The following RBFOX2 variants were observed in gnomAD, a reference collection of about 807,000 sequenced individuals.
RBFOX2 encodes RNA binding fox-1 homolog 2.
In RBFOX2, 10 loss-of-function variants were observed where a neutral mutation model predicts 49.1. The observed-to-expected ratio is 0.20, with a 90% CI of 0.13 to 0.35. The LOEUF (loss-of-function observed/expected upper bound fraction) is 0.35. RBFOX2 is among the 10% of genes least tolerant of loss of function. RBFOX2 has a pLI of 1.00. For missense variants in RBFOX2, 323 were observed against 486.9 expected, an observed-to-expected ratio of 0.66 and a Z score of 3.17; for synonymous variants, 183 against 187.4, an observed-to-expected ratio of 0.98 and a Z score of 0.19.
At chr22:35,741,269 T>G (rs1461437422) in exon 12 of RBFOX2, 1 of 152,216 alleles carries the variant, frequency 6.6e-6, no homozygotes, top group African/African-American at 2.4e-5. Context: ...GTACAGAAAG[T>G]CCAGGTCATG....
chr22:35,831,054 C>T (rs1168063332), intron 1 of RBFOX2, among the ~76,000 whole-genome samples: 1 of 152,200 alleles, frequency 6.6e-6, no homozygotes, highest in African/African-American at 2.4e-5. Context: ...CTGTATCCCT[C>T]TGAGTCAGGG....
intron 11 of RBFOX2, among the ~76,000 whole-genome samples, 174 bp downstream of exon 13, chr22:35,745,749 T>C (rs550843827): frequency 1.2e-4 from 18 of 152,232 alleles, no homozygotes; most frequent in Non-Finnish European, 2.6e-4. Context: ...GCTCACATTA[T>C]AATAACACAC....
chr22:35,957,218 G>T (rs1274201528), intron 1 of RBFOX2, among the ~76,000 whole-genome samples: 1 of 152,176 alleles, frequency 6.6e-6, no homozygotes, highest in African/African-American at 2.4e-5. Flanking sequence ...TACCTCATAG[G>T]ATTGTTACAA....
intron 9 of RBFOX2, among the ~76,000 whole-genome samples, chr22:35,754,108 T>A (rs1936084115): frequency 6.7e-6 from 1 of 150,370 alleles, no homozygotes; most frequent in East Asian, 2.0e-4. Context: ...TTTTTTTTTT[T>A]TGAGACGGAG....
At chr22:35,898,813 T>C (rs191149280) in intron 1 of RBFOX2, among the ~76,000 whole-genome samples, 9 of 152,286 alleles carry the variant, frequency 5.9e-5, no homozygotes, top group Admixed American at 5.9e-4. Flanking sequence ...GTGTTATCTT[T>C]TAATCAAGTT....
intron 1 of RBFOX2, among the ~76,000 whole-genome samples, chr22:35,930,165 C>T (rs1452351949): frequency 6.6e-6 from 1 of 151,654 alleles, no homozygotes; most frequent in South Asian, 2.1e-4. Flanking sequence ...GGATTACAGG[C>T]ACCCGCCACC....
chr22:35,812,536 G>A (rs1446370758), intron 1 of RBFOX2, among the ~76,000 whole-genome samples: 2 of 152,090 alleles, frequency 1.3e-5, no homozygotes, highest in Non-Finnish European at 2.9e-5. Flanking sequence ...TACTGCTTCA[G>A]AAGCCCTCGC....
Position 35,901,206 on chromosome 22 carries a change from G to A in RBFOX2, c.-34+37641C>T, listed in dbSNP as rs192069615. The stretch of plus-strand genomic sequence containing the variant: ...GTGAATAAAGAGCCAAAAGTTCAAC[G>A]TTCGTTTTTAAGACTCCAAGATCAT... On this transcript the variant is annotated intron_variant, in intron 1 of 13. Coordinates refer to the RBFOX2 transcript ENST00000359369. 1.4e-4 allele frequency among the ~76,000 whole-genome samples: 22 copies of A among 152,190 alleles called. 1 individual carries two copies. In the South Asian group the frequency reaches 3.5e-3, roughly 24 times the overall value.
upstream of RBFOX2, chr22:35,840,717 G>T: frequency 1.4e-6 from 1 of 690,340 alleles, no homozygotes; most frequent in Non-Finnish European, 1.8e-6. Flanking sequence ...AGGATGCGAT[G>T]ATGGAATTAA....
chr22:35,894,993 G>C (rs966585301), intron 1 of RBFOX2, among the ~76,000 whole-genome samples: 1 of 142,050 alleles, frequency 7.0e-6, no homozygotes. Context: ...AAAAAAAAAA[G>C]AAAAGACTGG....
intron 2 of RBFOX2, among the ~76,000 whole-genome samples, chr22:35,793,614 T>C (rs1413380499): frequency 6.6e-6 from 1 of 152,226 alleles, no homozygotes; most frequent in Non-Finnish European, 1.5e-5. Context: ...AATTATTTTA[T>C]CAAATATCAC....
chr22:35,776,962 G>A (rs989327149), intron 4 of RBFOX2, among the ~76,000 whole-genome samples: 1 of 151,250 alleles, frequency 6.6e-6, no homozygotes, highest in Non-Finnish European at 1.5e-5. Context: ...TTTAATGCAT[G>A]GAAATTCTAA....
chr22:35,925,740 GT>G (rs1484587072), intron 1 of RBFOX2, among the ~76,000 whole-genome samples: 1 of 152,220 alleles, frequency 6.6e-6, no homozygotes, highest in African/African-American at 2.4e-5. Context: ...ACCCCACAGT[GT>G]GGCTTGAACA....
intron 1 of RBFOX2, among the ~76,000 whole-genome samples, chr22:35,819,794 G>C (rs1313139151): frequency 6.6e-6 from 1 of 152,182 alleles, no homozygotes. Flanking sequence ...TAAACAGATG[G>C]TATGCTACAG....
chr22:35,770,874 G>A (rs1263876952), intron 4 of RBFOX2, among the ~76,000 whole-genome samples: 1 of 152,082 alleles, frequency 6.6e-6, no homozygotes, highest in Non-Finnish European at 1.5e-5. Context: ...TTTTAAAAGT[G>A]TTTTATAAAG....
chr22:36,021,666 T>C (rs1603468443), intron 1 of RBFOX2, among the ~76,000 whole-genome samples: 1 of 152,226 alleles, frequency 6.6e-6, no homozygotes, highest in African/African-American at 2.4e-5. Context: ...AAAAAACTCA[T>C]GGCTGACTGC....
At chr22:35,771,933 A>C (rs1326375922) in intron 4 of RBFOX2, among the ~76,000 whole-genome samples, 1 of 152,212 alleles carries the variant, frequency 6.6e-6, no homozygotes, top group Admixed American at 6.5e-5. Flanking sequence ...TTGAATTGAC[A>C]TTAAGTTGGT....
At chr22:35,811,005 G>A (rs771750226) in intron 1 of RBFOX2, among the ~76,000 whole-genome samples, 11 of 152,184 alleles carry the variant, frequency 7.2e-5, no homozygotes, top group Non-Finnish European at 1.2e-4. Context: ...TTAAGAGAAT[G>A]GTAGTGACCT....
chr22:36,004,588 G>T (rs1259042746), intron 1 of RBFOX2, among the ~76,000 whole-genome samples: 1 of 152,138 alleles, frequency 6.6e-6, no homozygotes, highest in Non-Finnish European at 1.5e-5. Flanking sequence ...CTGAGGTCAG[G>T]AGTTTGAGAT....
Sources: gnomAD v4.1 joint callset for allele counts (sites outside exome capture counted in the v4.1 genomes callset) on GRCh38, gnomAD v4.1.1 for gene constraint, MANE v1.5 for transcripts, NCBI Gene and HGNC (gene_info 2026-07-23, HGNC 2026-07-21) for gene names.